Variants in ARHGAP26 observed in about 807,000 individuals in gnomAD.
ARHGAP26 encodes the protein Rho GTPase activating protein 26, also known as rho GTPase-activating protein 26.
A neutral mutation model predicts 104.8 loss-of-function variants in ARHGAP26; 38 were observed. That is an observed-to-expected ratio of 0.36 (90% CI 0.28 to 0.48). ARHGAP26 has a LOEUF of 0.48. Among genes scored for constraint, ARHGAP26 ranks in the 20% least tolerant of loss-of-function variants. The probability of loss-of-function intolerance (pLI) is 0.99; values close to 1 mark genes in which losing one functional copy is unlikely to be tolerated. For missense variants in ARHGAP26, 704 were observed against 947.9 expected (o/e 0.74, Z 3.38); for synonymous variants, 341 against 340.0 (o/e 1.00, Z -0.03).
rs758560091 is a variant in ARHGAP26 at position 142,879,444 on chromosome 5, A to G, written c.383A>G (p.Lys128Arg). The part of the protein sequence containing the change: ...KFRKEQIGAA[K>R]EAKKKYDKET... Reference sequence around the variant, plus strand: ...CGAAAGGAACAGATCGGGGCTGCCAAGGTGAGAATTTTGCAAGCTTTGGTC... The same window carrying G: ...CGAAAGGAACAGATCGGGGCTGCCAGGGTGAGAATTTTGCAAGCTTTGGTC... Residue 128 changes from lysine (K) to arginine (R), a missense_variant and splice_region_variant, in exon 4 of 23, where the codon AAG becomes AGG. By Grantham distance (26) the Lys-to-Arg change is conservative. Transcript: ENST00000645722. 3.7e-6 allele frequency: 6 copies of G among 1,609,966 alleles called. No individual in the cohort carries two copies. Among genetic ancestry groups the G allele is most frequent in the Middle Eastern group, 1.7e-4 (1 of 6,040 alleles).
chr5:143,168,207 T>C (rs1343048932), intron 20 of ARHGAP26, among the ~76,000 whole-genome samples: 1 of 152,164 alleles, frequency 6.6e-6, no homozygotes, highest in Non-Finnish European at 1.5e-5. Context: ...AACATATGCT[T>C]CTCATCTGTA....
chr5:142,911,110 C>T (rs970170457), intron 9 of ARHGAP26, among the ~76,000 whole-genome samples: 7 of 152,146 alleles, frequency 4.6e-5, no homozygotes, highest in Admixed American at 4.6e-4. Flanking sequence ...GGAGACCAGA[C>T]CCTGTGTGTG....
At chr5:143,069,152 C>A (rs1433514624) in intron 17 of ARHGAP26, among the ~76,000 whole-genome samples, 1 of 152,210 alleles carries the variant, frequency 6.6e-6, no homozygotes, top group Non-Finnish European at 1.5e-5. Context: ...TTGCAGTCTC[C>A]AGCTCCTTCA....
At chr5:142,793,883 G>T (rs1760398414) in intron 1 of ARHGAP26, among the ~76,000 whole-genome samples, 1 of 152,154 alleles carries the variant, frequency 6.6e-6, no homozygotes, top group African/African-American at 2.4e-5. Flanking sequence ...ACCATGCCCA[G>T]CCTCAGTTGG....
intron 12 of ARHGAP26, among the ~76,000 whole-genome samples, chr5:143,023,680 A>G (rs957957893): frequency 6.6e-6 from 1 of 152,078 alleles, no homozygotes; most frequent in African/African-American, 2.4e-5. Flanking sequence ...TTATAAATAG[A>G]ACATTTCCCC....
At chr5:142,938,182 G>C (rs539880844) in intron 11 of ARHGAP26, among the ~76,000 whole-genome samples, 2 of 152,042 alleles carry the variant, frequency 1.3e-5, no homozygotes, top group Non-Finnish European at 2.9e-5. Context: ...TGGATTATGG[G>C]GGGGGAAGTA....
At chr5:142,786,654 A>ATTTTTTT (rs70991779) in intron 1 of ARHGAP26, among the ~76,000 whole-genome samples, 2 of 104,446 alleles carry the variant, frequency 1.9e-5, no homozygotes, top group Non-Finnish European at 3.9e-5. Context: ...GAGTTCTAGA[A>ATTTTTTT]TTTTTTTTTT....
At chr5:143,186,718 C>T (rs1483338167) in intron 20 of ARHGAP26, among the ~76,000 whole-genome samples, 1 of 152,198 alleles carries the variant, frequency 6.6e-6, no homozygotes, top group African/African-American at 2.4e-5. Flanking sequence ...GGTAATACAA[C>T]CTGAGCACCT....
chr5:143,131,350 T>C (rs915855092), intron 18 of ARHGAP26, among the ~76,000 whole-genome samples: 6 of 152,206 alleles, frequency 3.9e-5, no homozygotes, highest in African/African-American at 1.4e-4. Context: ...CATGTTATTT[T>C]TGCTCCCATT....
chr5:143,101,566 A>G (rs1046418365), intron 17 of ARHGAP26, among the ~76,000 whole-genome samples: 5 of 151,334 alleles, frequency 3.3e-5, no homozygotes, highest in Admixed American at 2.6e-4. Flanking sequence ...TTAACATCCA[A>G]CCAGGCAGTG....
intron 1 of ARHGAP26, among the ~76,000 whole-genome samples, chr5:142,801,247 C>T (rs1048642996): frequency 6.6e-6 from 1 of 152,168 alleles, no homozygotes; most frequent in Non-Finnish European, 1.5e-5. Flanking sequence ...TCTAGTTCTC[C>T]CTCCTGTCAT....
intron 20 of ARHGAP26, among the ~76,000 whole-genome samples, chr5:143,155,005 G>A (rs1457741218): frequency 6.6e-6 from 1 of 152,094 alleles, no homozygotes; most frequent in Non-Finnish European, 1.5e-5. Context: ...CTCTGTGGCT[G>A]GATCAACTTT....
chr5:143,156,207 A>G (rs1800445285), intron 20 of ARHGAP26, among the ~76,000 whole-genome samples: 1 of 152,222 alleles, frequency 6.6e-6, no homozygotes, highest in African/African-American at 2.4e-5. Context: ...TTAAAAGTAC[A>G]TTAGAGTTCA....
chr5:142,795,652 A>G (rs149752249), intron 1 of ARHGAP26, among the ~76,000 whole-genome samples: 5 of 152,306 alleles, frequency 3.3e-5, no homozygotes, highest in Non-Finnish European at 5.9e-5. Context: ...TTTTCATTAC[A>G]TTACAATTTA....
chr5:142,845,638 TG>T (rs546055848), intron 1 of ARHGAP26, among the ~76,000 whole-genome samples: 1 of 152,364 alleles, frequency 6.6e-6, no homozygotes, highest in Admixed American at 6.5e-5. Context: ...CTGTGTGTAC[TG>T]TTTATGTACA....
At chr5:142,935,935 A>G (rs1765343631) in intron 11 of ARHGAP26, among the ~76,000 whole-genome samples, 2 of 152,190 alleles carry the variant, frequency 1.3e-5, no homozygotes, top group Non-Finnish European at 2.9e-5. Context: ...CTCTAAGACT[A>G]GGAACAAGTT....
At chr5:143,129,971 A>G (rs80239622) in intron 18 of ARHGAP26, among the ~76,000 whole-genome samples, 335 of 152,368 alleles carry the variant, frequency 2.2e-3, no homozygotes, top group Non-Finnish European at 3.2e-3. Context: ...TACTCTGTCT[A>G]GCTCCAAAGC....
At chr5:143,027,240 T>G (rs1190463915) in intron 12 of ARHGAP26, among the ~76,000 whole-genome samples, 1 of 151,778 alleles carries the variant, frequency 6.6e-6, no homozygotes, top group Non-Finnish European at 1.5e-5. Flanking sequence ...GGTACAATCT[T>G]GGCTCACTGC....
intron 17 of ARHGAP26, among the ~76,000 whole-genome samples, chr5:143,100,125 T>C (rs1215071615): frequency 6.6e-6 from 1 of 152,024 alleles, no homozygotes; most frequent in African/African-American, 2.4e-5. Flanking sequence ...GAGCTCCAGG[T>C]GAGACTAGAG....
Sources: allele counts gnomAD v4.1 joint callset (sites outside exome capture counted in the v4.1 genomes callset), GRCh38; gene constraint gnomAD v4.1.1; transcripts MANE v1.5; gene names NCBI Gene and HGNC (gene_info 2026-07-23, HGNC 2026-07-21).